The following ZNF778 variants were observed in gnomAD, a reference collection of about 807,000 sequenced individuals.
ZNF778 encodes the protein zinc finger protein 778.
ZNF778 carries 37 observed loss-of-function variants against 23.9 expected under a neutral mutation model. The observed-to-expected ratio is 1.54, with a 90% CI of 1.19 to 2.03. The LOEUF (loss-of-function observed/expected upper bound fraction) is 2.03, where lower values mean the gene tolerates loss of function less well. ZNF778 is among the 30% of genes most tolerant of loss of function. The probability of loss-of-function intolerance (pLI) is 0.00; values close to 1 mark genes in which losing one functional copy is unlikely to be tolerated. For synonymous variants in ZNF778, 483 were observed against 343.9 expected (o/e 1.40, Z -4.48); for missense variants, 1,297 against 934.4 (o/e 1.39, Z -5.06).
rs1180621023 is a variant in ZNF778, at chr16:89,228,912, T to A, written c.*350T>A. On this transcript the variant is annotated 3_prime_UTR_variant, in exon 7 of 7. Coordinates refer to ENST00000433976, the MANE Select transcript of ZNF778 (RefSeq NM_001201407.2). ...TGAGAATTGTTGGGAAGTCATTTTT[T>A]ACATTACATCTTTCCTCACCCTTTA... The A allele has an allele frequency of 9.8e-7, 1 of 1,017,478 alleles. No homozygotes were observed. The highest frequency in any genetic ancestry group is 9.1e-5 in the East Asian group (1 of 10,978). The allele number at this position is 1,017,478 out of a possible 1,614,324, so 63.0% of individuals were successfully genotyped here. A position where few individuals can be genotyped will look rare whatever the true frequency, so the allele number is the denominator to read the frequency against.
At chr16:89,224,571 A>C (rs1597354110) in intron 4 of ZNF778, 148 bp from the exon 5 acceptor site, 1 of 570,172 alleles carries the variant, frequency 1.8e-6, no homozygotes, top group Non-Finnish European at 3.2e-6. Flanking sequence ...GTGAGCCGAG[A>C]TTGCACCACT....
chr16:89,222,056 G>C, intron 2 of ZNF778, 36 bp from the exon 3 acceptor site: 2 of 1,499,354 alleles, frequency 1.3e-6, no homozygotes, highest in Non-Finnish European at 1.8e-6. Context: ...GGTCAGCTCT[G>C]GGTTCTCATG....
chr16:89,222,822 T>C (rs1031126262), intron 3 of ZNF778, among the ~76,000 whole-genome samples: 1 of 152,190 alleles, frequency 6.6e-6, no homozygotes, highest in African/African-American at 2.4e-5. Context: ...GAGAGGGACA[T>C]AAGGCGAGGG....
rs1372644293 is a variant in ZNF778, at chr16:89,235,211, G to C, written c.*6649G>C. On this transcript the variant is annotated 3_prime_UTR_variant, in exon 7 of 7. Coordinates refer to ENST00000433976, the MANE Select transcript of ZNF778 (RefSeq NM_001201407.2). ...TTGTTCACAATTCTGAAGGCCTGGA[G>C]GGTCCCAGAAGCTTGGCACCAGCAC... The C allele has an allele frequency of 6.6e-6, 1 of 152,078 alleles. No homozygotes were observed. The highest frequency in any genetic ancestry group is 1.9e-4 in the East Asian group (1 of 5,196). The allele number at this position is 152,078 out of a possible 1,614,324, so 9.4% of individuals were successfully genotyped here. A position where few individuals can be genotyped will look rare whatever the true frequency, so the allele number is the denominator to read the frequency against.
In ZNF778 at chr16:89,236,837, T is replaced by A. The variant is rs914557293; in HGVS notation, c.*8275T>A. On this transcript the variant is annotated 3_prime_UTR_variant, in exon 7 of 7. Coordinates refer to ENST00000433976, the MANE Select transcript of ZNF778 (RefSeq NM_001201407.2). ...CTGTAATCCCACCACTTTGGGAGAGTGAGGTGGGTGGATCACTTGAGGTCA... is the reference window on the plus strand; with the variant it reads ...CTGTAATCCCACCACTTTGGGAGAGAGAGGTGGGTGGATCACTTGAGGTCA... The A allele has an allele frequency of 6.6e-6, 1 of 151,632 alleles. No individual in the cohort carries two copies. The highest frequency in any genetic ancestry group is 2.4e-5 in the African/African-American group (1 of 41,214). 9.4% of individuals were successfully genotyped at this position (151,632 alleles called of 1,614,324 possible).
rs1325910322 is a variant in ZNF778, at chr16:89,229,090, T to C, written c.*528T>C. 1 of 986,638 alleles carries C rather than the reference T, an allele frequency of 1.0e-6. No homozygotes were observed. Among genetic ancestry groups the C allele is most frequent in the African/African-American group, 1.7e-5 (1 of 57,266 alleles). The allele number at this position is 986,638 out of a possible 1,614,324, so 61.1% of individuals were successfully genotyped here. A position where few individuals can be genotyped will look rare whatever the true frequency, so the allele number is the denominator to read the frequency against. On this transcript the variant is annotated 3_prime_UTR_variant, in exon 7 of 7. Transcript: ENST00000433976. ...AATCTTTATGATGCTGCACTGATCA[T>C]TCTTGGAGTGAGGACTCTGTTCCCT... is the stretch of plus-strand genomic sequence containing the variant.
At chr16:89,219,918 A>G (rs2030754914) in intron 1 of ZNF778, among the ~76,000 whole-genome samples, 1 of 152,266 alleles carries the variant, frequency 6.6e-6, no homozygotes, top group Non-Finnish European at 1.5e-5. Context: ...TGTAATCCAG[A>G]CTGCTGAACT....
At chr16:89,219,053 G>A (rs2030655066) in intron 1 of ZNF778, among the ~76,000 whole-genome samples, 1 of 151,924 alleles carries the variant, frequency 6.6e-6, no homozygotes, top group Non-Finnish European at 1.5e-5. Flanking sequence ...GTTGCGGTGA[G>A]CCAAGATCGT....
rs2030913089 is a variant in ZNF778, at chr16:89,221,267, C to T, written c.25+115C>T. The stretch of plus-strand genomic sequence containing the variant: ...GTCACGCTCCGGGTTCCTATTGCAG[C>T]TGCTGGAGTGAGCCAGAGAATGCTG... On this transcript the variant is annotated intron_variant, in intron 2 of 6. Coordinates refer to ENST00000433976, the MANE Select transcript of ZNF778 (RefSeq NM_001201407.2). 29 of 1,231,824 alleles carry T rather than the reference C, an allele frequency of 2.4e-5. No homozygotes were observed. The South Asian group carries it at 3.6e-4, about 15-fold the overall frequency. 76.3% of individuals were successfully genotyped at this position (1,231,824 alleles called of 1,614,324 possible). A position where few individuals can be genotyped will look rare whatever the true frequency, so the allele number is the denominator to read the frequency against.
Position 89,229,313 on chromosome 16 carries a change from T to G in ZNF778, c.*751T>G, listed in dbSNP as rs12931639. On this transcript the variant is annotated 3_prime_UTR_variant, in exon 7 of 7. Coordinates refer to ENST00000433976, the MANE Select transcript of ZNF778 (RefSeq NM_001201407.2). Reference sequence around the variant, plus strand: ...GATCCAGATGTGATTCTGTGAGCAGTGTAAGCTCTGGTTGGTTAGTCTTCA... The same window carrying G: ...GATCCAGATGTGATTCTGTGAGCAGGGTAAGCTCTGGTTGGTTAGTCTTCA... 3 of 964,516 alleles carry G rather than the reference T, an allele frequency of 3.1e-6. No individual in the cohort carries two copies. The Admixed American group carries it at 2.2e-4, about 71-fold the overall frequency. 59.7% of individuals were successfully genotyped at this position (964,516 alleles called of 1,614,324 possible). A position where few individuals can be genotyped will look rare whatever the true frequency, so the allele number is the denominator to read the frequency against.
At chr16:89,221,828 G>T (rs1240144163) in intron 2 of ZNF778, among the ~76,000 whole-genome samples, 4 of 151,688 alleles carry the variant, frequency 2.6e-5, no homozygotes, top group African/African-American at 4.8e-5. Flanking sequence ...GGCTGTGTGT[G>T]TGTGTGTTTT....
At chr16:89,218,937 G>A (rs1273797477) in intron 1 of ZNF778, among the ~76,000 whole-genome samples, 3 of 151,942 alleles carry the variant, frequency 2.0e-5, no homozygotes, top group African/African-American at 4.8e-5. Context: ...GAGAAATCCC[G>A]TCTCTACTAA....
At chr16:89,225,407 A>G in intron 5 of ZNF778, 148 bp from the exon 6 acceptor site, 1 of 575,542 alleles carries the variant, frequency 1.7e-6, no homozygotes, top group South Asian at 2.1e-5. Flanking sequence ...CTTCTAAATT[A>G]TGACTCCCAG....
In ZNF778 at chr16:89,226,432, C is replaced by T. The variant is rs370778193; in HGVS notation, c.406-262C>T. ...GTTGGTCAGGCTGGTCTTGAACTCC[C>T]GACCTCAGGTGATCTGCCCGCCTCG... On this transcript the variant is annotated intron_variant, in intron 6 of 6. Coordinates refer to ENST00000433976, the MANE Select transcript of ZNF778 (RefSeq NM_001201407.2). Among the ~76,000 whole-genome samples the T allele has an allele frequency of 1.3e-4, 20 of 152,210 alleles. No individual in the cohort carries two copies. In the South Asian group the frequency reaches 2.9e-3, roughly 22 times the overall value.
rs2031923747 is a variant in ZNF778, at chr16:89,231,497, T to G, written c.*2935T>G. 1 of 152,344 alleles carries G rather than the reference T, an allele frequency of 6.6e-6. No homozygotes were observed. Among genetic ancestry groups the G allele is most frequent in the East Asian group, 1.9e-4 (1 of 5,186 alleles). 9.4% of individuals were successfully genotyped at this position (152,344 alleles called of 1,614,324 possible). On this transcript the variant is annotated 3_prime_UTR_variant, in exon 7 of 7. Transcript: ENST00000433976. ...TACCCCTCCGACGACTCCCCCTCCC[T>G]TCACTGGAGGTGACTTCACGCACTT...
In ZNF778 at chr16:89,233,875, C is replaced by T. The variant is rs932545563; in HGVS notation, c.*5313C>T. The T allele has an allele frequency of 2.9e-5, 38 of 1,289,740 alleles. No individual in the cohort carries two copies. Among genetic ancestry groups the T allele is most frequent in the Non-Finnish European group, 3.6e-5 (36 of 989,074 alleles). The allele number at this position is 1,289,740 out of a possible 1,614,324, so 79.9% of individuals were successfully genotyped here. On this transcript the variant is annotated 3_prime_UTR_variant, in exon 7 of 7. Coordinates refer to ENST00000433976, the MANE Select transcript of ZNF778 (RefSeq NM_001201407.2). ...CCTTTTTCTAACTACCACACCAAGC[C>T]AGTATTTCTCCTCCCTGAAGTCAGC...
In ZNF778 at chr16:89,222,180, C is replaced by G; in HGVS notation, c.114C>G (p.Tyr38Ter). The change falls in exon 3 of 7, where the codon TAC becomes TAG. Residue 38 changes from tyrosine (Y) to a stop codon, truncating the protein, a stop_gained. Transcript: ENST00000433976. LOFTEE classifies it high-confidence loss of function. ...TGGCTGGCTGGCTGATAAATTGTTACCAGGTATGCCAAAACTGTATTTTTT... is the reference window on the plus strand; with the variant it reads ...TGGCTGGCTGGCTGATAAATTGTTAGCAGGTATGCCAAAACTGTATTTTTT... ...GMVAGWLINC[Y>*]QDAVTFDDVA... The G allele has an allele frequency of 6.3e-7, 1 of 1,599,072 alleles. No homozygotes were observed. The highest frequency in any genetic ancestry group is 8.5e-7 in the Non-Finnish European group (1 of 1,171,174).
Position 89,235,356 on chromosome 16 carries a change from C to A in ZNF778, c.*6794C>A, listed in dbSNP as rs1048943722. On this transcript the variant is annotated 3_prime_UTR_variant, in exon 7 of 7. Transcript: ENST00000433976. ...AAGTTTAGTTTTTCCCATTCGCTTG[C>A]CCTGGCCTCCAGGCAGTCCTGCAGC... The A allele has an allele frequency of 4.6e-5, 7 of 152,166 alleles. No individual in the cohort carries two copies. Among genetic ancestry groups the A allele is most frequent in the Non-Finnish European group, 1.0e-4 (7 of 68,040 alleles). The allele number at this position is 152,166 out of a possible 1,614,324, so 9.4% of individuals were successfully genotyped here.
rs2032260267 is a variant in ZNF778 at position 89,237,078 on chromosome 16, A to G, written c.*8516A>G. 6.6e-6 allele frequency: 1 copy of G among 152,022 alleles called. No individual in the cohort carries two copies. Among genetic ancestry groups the G allele is most frequent in the African/African-American group, 2.4e-5 (1 of 41,350 alleles). 9.4% of individuals were successfully genotyped at this position (152,022 alleles called of 1,614,324 possible). On this transcript the variant is annotated 3_prime_UTR_variant, in exon 7 of 7. Coordinates refer to ENST00000433976, the MANE Select transcript of ZNF778 (RefSeq NM_001201407.2). ...ACAGAGCAAGACTCTGTCTAAAAAA[A>G]AAAAGGACAATGAGATATACTAAAA...
Sources: gnomAD v4.1 joint callset for allele counts (sites outside exome capture counted in the v4.1 genomes callset) on GRCh38, gnomAD v4.1.1 for gene constraint, MANE v1.5 for transcripts, NCBI Gene and HGNC (gene_info 2026-07-23, HGNC 2026-07-21) for gene names.